The following ANKRD42 variants were observed in gnomAD, a reference collection of about 807,000 sequenced individuals.
ANKRD42 encodes ankyrin repeat domain 42.
Under a neutral mutation model 51.5 loss-of-function variants are expected in ANKRD42, and 43 were observed. That is an observed-to-expected ratio of 0.83 (90% CI 0.65 to 1.08). The LOEUF (loss-of-function observed/expected upper bound fraction) is 1.08, where lower values mean the gene tolerates loss of function less well. Among genes scored for constraint, ANKRD42 ranks in the 50% least tolerant of loss-of-function variants. The pLI is 0.00. For missense variants in ANKRD42, 608 were observed against 629.3 expected (o/e 0.97, Z 0.36); for synonymous variants, 203 against 213.0 (o/e 0.95, Z 0.41).
intron 1 of ANKRD42, among the ~76,000 whole-genome samples, chr11:83,196,861 T>C (rs1024268020): frequency 6.6e-6 from 1 of 152,058 alleles, no homozygotes; most frequent in African/African-American, 2.4e-5. Context: ...TACTGAGAGT[T>C]TGGGTTTTGT....
In ANKRD42 at chr11:83,211,982, A is replaced by G. The variant is rs1862340419; in HGVS notation, c.586+552A>G. On this transcript the variant is annotated intron_variant, in intron 5 of 10. Coordinates refer to ENST00000533342, the MANE Select transcript of ANKRD42 (RefSeq NM_001300975.2). ...AAGAGAAATTGGCAAAATTAAACATAGATTTGCTCTTCCTGCCAGCTCTTT... is the reference window on the plus strand; with the variant it reads ...AAGAGAAATTGGCAAAATTAAACATGGATTTGCTCTTCCTGCCAGCTCTTT... Among the ~76,000 whole-genome samples the G allele has an allele frequency of 2.0e-5, 3 of 152,178 alleles. No homozygotes were observed. The South Asian group carries it at 6.2e-4, about 32-fold the overall frequency.
At chr11:83,204,043 A>G (rs912076036) in intron 2 of ANKRD42, among the ~76,000 whole-genome samples, 27 of 152,082 alleles carry the variant, frequency 1.8e-4, no homozygotes, top group African/African-American at 6.3e-4. Context: ...CCTGGGTTCA[A>G]GTGATTCTCC....
intron 7 of ANKRD42, among the ~76,000 whole-genome samples, chr11:83,233,023 G>T (rs1863125027): frequency 6.6e-6 from 1 of 152,122 alleles, no homozygotes; most frequent in Admixed American, 6.6e-5. Flanking sequence ...ATTCATCAGA[G>T]ATATTGGCTT....
intron 5 of ANKRD42, among the ~76,000 whole-genome samples, chr11:83,216,671 G>T (rs181637189): frequency 6.6e-6 from 1 of 152,170 alleles, no homozygotes; most frequent in Non-Finnish European, 1.5e-5. Flanking sequence ...AAATTGTCTC[G>T]GCTTTTGTTT....
In ANKRD42 at chr11:83,194,103, T is replaced by A. The variant is rs1443409449; in HGVS notation, c.-568T>A. 2.2e-6 allele frequency: 1 copy of A among 456,436 alleles called. No homozygotes were observed. Among genetic ancestry groups the A allele is most frequent in the Admixed American group, 2.3e-5 (1 of 42,556 alleles). 28.3% of individuals were successfully genotyped at this position (456,436 alleles called of 1,614,324 possible). A position where few individuals can be genotyped will look rare whatever the true frequency, so the allele number is the denominator to read the frequency against. On this transcript the variant is annotated 5_prime_UTR_variant, in exon 1 of 11. Transcript: ENST00000533342. ...GAGTTAGGGGAGATAGTGGCCACAG[T>A]CACAGCTGCTCTTGGGAGAGAGTTA...
chr11:83,238,704 C>T (rs2135547776), intron 8 of ANKRD42, among the ~76,000 whole-genome samples: 1 of 152,170 alleles, frequency 6.6e-6, no homozygotes, highest in East Asian at 1.9e-4. Context: ...GTGGTGCTTG[C>T]CTGTAATCCC....
At chr11:83,224,336 C>T (rs1225300562) in intron 5 of ANKRD42, among the ~76,000 whole-genome samples, 1 of 152,036 alleles carries the variant, frequency 6.6e-6, no homozygotes, top group Non-Finnish European at 1.5e-5. Context: ...AGCATTTTAT[C>T]CTGTAATTAT....
At chr11:83,261,448 CA>C (rs1402121197), downstream of ANKRD42, 1 of 152,196 alleles carries the variant, frequency 6.6e-6, no homozygotes, top group Non-Finnish European at 1.5e-5. Flanking sequence ...TTTGAAAACC[CA>C]CACAACTTTG....
chr11:83,237,090 G>A (rs576524389), intron 8 of ANKRD42, among the ~76,000 whole-genome samples: 5 of 152,106 alleles, frequency 3.3e-5, no homozygotes, highest in African/African-American at 9.7e-5. Context: ...TCAGCTTCCC[G>A]TATACTTACC....
chr11:83,197,379 CTTT>C (rs1861699819), intron 1 of ANKRD42, among the ~76,000 whole-genome samples: 8 of 152,252 alleles, frequency 5.3e-5, no homozygotes, highest in Admixed American at 5.2e-4. Context: ...TTCAGAAAGG[CTTT>C]TTGAGTACAG....
chr11:83,219,096 C>T (rs535065422), intron 5 of ANKRD42, among the ~76,000 whole-genome samples: 115 of 152,222 alleles, frequency 7.6e-4, no homozygotes, highest in African/African-American at 2.6e-3. Flanking sequence ...GGTGCTCATC[C>T]GGAATTTTAA....
intron 7 of ANKRD42, among the ~76,000 whole-genome samples, chr11:83,228,796 G>T (rs913933373): frequency 6.6e-6 from 1 of 152,114 alleles, no homozygotes; most frequent in African/African-American, 2.4e-5. Flanking sequence ...CTCCTACACA[G>T]AGAGAGGTCC....
chr11:83,240,593 G>A (rs1392872918), intron 8 of ANKRD42, among the ~76,000 whole-genome samples, 166 bp from the exon 9 acceptor site: 1 of 152,158 alleles, frequency 6.6e-6, no homozygotes, highest in Non-Finnish European at 1.5e-5. Context: ...TTCTTACATA[G>A]TTGAATATAT....
In ANKRD42 at chr11:83,248,966, A is replaced by G. The variant is rs1863624403; in HGVS notation, c.*762A>G. ...TTTCCAAGAAATATAATTAACTATA[A>G]TAATTAATCTATTCTCTTCATTTTG... On this transcript the variant is annotated 3_prime_UTR_variant, in exon 11 of 11. Coordinates refer to ENST00000533342, the MANE Select transcript of ANKRD42 (RefSeq NM_001300975.2). 1 of 983,658 alleles carries G rather than the reference A, an allele frequency of 1.0e-6. No homozygotes were observed. The highest frequency in any genetic ancestry group is 1.2e-6 in the Non-Finnish European group (1 of 828,340). 60.9% of individuals were successfully genotyped at this position (983,658 alleles called of 1,614,324 possible). A position where few individuals can be genotyped will look rare whatever the true frequency, so the allele number is the denominator to read the frequency against.
At chr11:83,260,514 G>C (rs1406471427), downstream of ANKRD42, 1 of 152,222 alleles carries the variant, frequency 6.6e-6, no homozygotes, top group Non-Finnish European at 1.5e-5. Flanking sequence ...CCAGCAGTTA[G>C]ATTTTTGAGG....
intron 7 of ANKRD42, among the ~76,000 whole-genome samples, chr11:83,233,790 C>T (rs909873428): frequency 4.6e-5 from 7 of 152,220 alleles, no homozygotes; most frequent in Non-Finnish European, 8.8e-5. Flanking sequence ...TCAAGCAATT[C>T]TCCTGACTCA....
downstream of ANKRD42, chr11:83,257,230 C>G (rs1863789213): frequency 2.3e-6 from 1 of 438,934 alleles, no homozygotes; most frequent in East Asian, 7.0e-5. Flanking sequence ...GAGATAGATG[C>G]AAGGGTCCAG....
chr11:83,227,212 A>G (rs1862913841), intron 6 of ANKRD42, among the ~76,000 whole-genome samples: 1 of 152,126 alleles, frequency 6.6e-6, no homozygotes, highest in African/African-American at 2.4e-5. Flanking sequence ...TCCCAGGTTC[A>G]AGTGATTCTC....
chr11:83,245,726 T>A (rs1863523133), intron 10 of ANKRD42, 102 bp downstream of exon 10: 1 of 1,291,824 alleles, frequency 7.7e-7, no homozygotes, highest in African/African-American at 1.5e-5. Context: ...TGCCAAAGGG[T>A]GTTAGGTTCC....
Sources: gnomAD v4.1 joint callset for allele counts (sites outside exome capture counted in the v4.1 genomes callset) on GRCh38, gnomAD v4.1.1 for gene constraint, MANE v1.5 for transcripts, NCBI Gene and HGNC (gene_info 2026-07-23, HGNC 2026-07-21) for gene names.